Variants in TENM2 observed in about 807,000 individuals in gnomAD.
The protein encoded by TENM2 is teneurin-2.
A neutral mutation model predicts 245.2 loss-of-function variants in TENM2; 52 were observed. That is an observed-to-expected ratio of 0.21 (90% CI 0.17 to 0.27). The LOEUF (loss-of-function observed/expected upper bound fraction) is 0.27. Ranked by LOEUF, TENM2 falls within the 10% of genes least tolerant of loss-of-function variation. TENM2 has a pLI of 1.00. For missense variants in TENM2, 3,046 were observed against 3,666.8 expected (o/e 0.83, Z 4.37); for synonymous variants, 1,363 against 1,438.9 (o/e 0.95, Z 1.19).
chr5:167,611,294 C>G (rs987065458), intron 2 of TENM2, among the ~76,000 whole-genome samples: 6 of 151,976 alleles, frequency 3.9e-5, no homozygotes, highest in African/African-American at 1.5e-4. Flanking sequence ...TAAAACAGAT[C>G]AAAGAGGAGC....
At chr5:168,113,740 G>C (rs1052301050) in intron 9 of TENM2, among the ~76,000 whole-genome samples, 4 of 152,018 alleles carry the variant, frequency 2.6e-5, no homozygotes, top group Middle Eastern at 3.2e-3. Context: ...TAGTGGTTGT[G>C]GTAATTTATT....
At chr5:167,959,188 CT>C (rs71593155) in intron 4 of TENM2, among the ~76,000 whole-genome samples, 1,487 of 138,146 alleles carry the variant, frequency 0.011, 5 homozygotes, top group Non-Finnish European at 0.012. Context: ...CCTTTTCATT[CT>C]TTTTTTTTTT....
At chr5:167,030,071 CCAAA>C in the TENM2 span, among the ~76,000 whole-genome samples, 1 of 152,138 alleles carries the variant, frequency 6.6e-6, no homozygotes, top group African/African-American at 2.4e-5. Flanking sequence ...CAGGGGTCGA[CCAAA>C]CATCCTAGGT....
chr5:167,105,019 C>T, the TENM2 span, among the ~76,000 whole-genome samples: 4 of 152,162 alleles, frequency 2.6e-5, no homozygotes, highest in South Asian at 2.1e-4. Context: ...CCACAAAGCA[C>T]ATTTTTGCTT....
intron 19 of TENM2, among the ~76,000 whole-genome samples, chr5:168,206,566 C>A (rs994404855): frequency 1.3e-5 from 2 of 152,172 alleles, no homozygotes; most frequent in African/African-American, 2.4e-5. Flanking sequence ...AGAGGGTGAA[C>A]AATGAGAGCA....
chr5:167,229,040 C>T, the TENM2 span, among the ~76,000 whole-genome samples: 23 of 152,280 alleles, frequency 1.5e-4, no homozygotes, highest in Admixed American at 2.6e-4. Flanking sequence ...GTTTCACCCC[C>T]GCCACCCGAA....
At chr5:167,446,826 C>CAG (rs35186541) in intron 2 of TENM2, among the ~76,000 whole-genome samples, 3 of 150,496 alleles carry the variant, frequency 2.0e-5, no homozygotes, top group African/African-American at 4.9e-5. Flanking sequence ...CACACACACA[C>CAG]AGACATACAT....
chr5:167,714,056 A>G (rs536553217), intron 2 of TENM2, among the ~76,000 whole-genome samples: 1 of 152,300 alleles, frequency 6.6e-6, no homozygotes, highest in African/African-American at 2.4e-5. Context: ...TAAAGAAGTG[A>G]GGGTCACCTC....
At position 168,228,912 on chromosome 5, in the gene TENM2, G is replaced by A. The variant is rs537080961; in HGVS notation, c.5520+782G>A. ...TTATATTACATTTTTATATTATAAT[G>A]TAAACCCTATATTATATTATAATGT... On this transcript the variant is annotated intron_variant, in intron 25 of 28. Coordinates refer to ENST00000518659, the Ensembl canonical transcript of TENM2. Among the ~76,000 whole-genome samples, 121 of 146,524 alleles carry A rather than the reference G, an allele frequency of 8.3e-4. 1 individual carries two copies. Among genetic ancestry groups the A allele is most frequent in the Non-Finnish European group, 1.3e-3 (90 of 66,998 alleles).
At chr5:167,243,923 A>G in the TENM2 span, among the ~76,000 whole-genome samples, 3 of 152,174 alleles carry the variant, frequency 2.0e-5, no homozygotes, top group Non-Finnish European at 4.4e-5. Flanking sequence ...TTATTTTGTC[A>G]TACTTCATAT....
At chr5:168,131,154 C>G (rs892252956) in intron 12 of TENM2, among the ~76,000 whole-genome samples, 1 of 152,144 alleles carries the variant, frequency 6.6e-6, no homozygotes, top group African/African-American at 2.4e-5. Flanking sequence ...TGGACTCTTG[C>G]AATTATCTCC....
intron 2 of TENM2, among the ~76,000 whole-genome samples, chr5:167,572,541 C>A (rs1236127413): frequency 2.6e-5 from 4 of 152,164 alleles, no homozygotes; most frequent in Non-Finnish European, 5.9e-5. Context: ...TGTTTTAGCT[C>A]TGCTTACCAT....
rs373078545 is a variant in TENM2, at chr5:167,643,339, G to T, written c.503-232647G>T. On this transcript the variant is annotated intron_variant, in intron 2 of 28. Transcript: ENST00000518659. ...AAATTTGCCGTTTCTGGAATTTGCCGTTTCTGGATATTTCCTACCAGTGGA... is the reference window on the plus strand; with the variant it reads ...AAATTTGCCGTTTCTGGAATTTGCCTTTTCTGGATATTTCCTACCAGTGGA... Among the ~76,000 whole-genome samples the T allele has an allele frequency of 3.3e-5, 5 of 152,152 alleles. No individual in the cohort carries two copies. In the South Asian group the frequency reaches 8.3e-4, roughly 25 times the overall value.
At chr5:167,188,262 T>A in the TENM2 span, among the ~76,000 whole-genome samples, 1 of 152,170 alleles carries the variant, frequency 6.6e-6, no homozygotes, top group African/African-American at 2.4e-5. Context: ...AAATAGCCTC[T>A]CACCTATTAG....
the TENM2 span, among the ~76,000 whole-genome samples, chr5:167,250,934 G>A: frequency 3.3e-5 from 5 of 152,092 alleles, no homozygotes; most frequent in African/African-American, 1.2e-4. Context: ...ATATTGATTG[G>A]ATGGTGTTGG....
At position 167,547,848 on chromosome 5, in the gene TENM2, T is replaced by G. The variant is rs1772668325; in HGVS notation, c.502+172375T>G. On this transcript the variant is annotated intron_variant, in intron 2 of 28. Transcript: ENST00000518659. ...CAACATATTCTTCAACCCTTCAATT[T>G]AAGGGACAAAGGGAAAGGTGGAGAC... is the stretch of plus-strand genomic sequence containing the variant. 2.0e-5 allele frequency among the ~76,000 whole-genome samples: 3 copies of G among 152,306 alleles called. No homozygotes were observed. The South Asian group carries it at 6.2e-4, about 32-fold the overall frequency.
At chr5:167,379,021 A>C (rs527247755) in intron 2 of TENM2, among the ~76,000 whole-genome samples, 4 of 152,156 alleles carry the variant, frequency 2.6e-5, no homozygotes, top group Non-Finnish European at 5.9e-5. Context: ...GTGTTGGTTA[A>C]ACATTTAAGA....
intron 3 of TENM2, among the ~76,000 whole-genome samples, chr5:167,914,348 TTCCTTGGCTCATG>T (rs1776767680): frequency 6.6e-6 from 1 of 152,200 alleles, no homozygotes; most frequent in South Asian, 2.1e-4. Flanking sequence ...GACGCCTGCA[TTCCTTGGCTCATG>T]TCCCCTCCTC....
chr5:167,469,305 A>G (rs1028773047), intron 2 of TENM2, among the ~76,000 whole-genome samples: 3 of 152,166 alleles, frequency 2.0e-5, no homozygotes, highest in African/African-American at 7.2e-5. Flanking sequence ...CAATGCAGAA[A>G]TGGCATCTTG....
Sources: gnomAD v4.1 joint callset for allele counts (sites outside exome capture counted in the v4.1 genomes callset) on GRCh38, gnomAD v4.1.1 for gene constraint, MANE v1.5 for transcripts, NCBI Gene and HGNC (gene_info 2026-07-23, HGNC 2026-07-21) for gene names.